Variants in PSMD4 observed in about 807,000 individuals in gnomAD.
PSMD4 encodes proteasome 26S subunit ubiquitin receptor, non-ATPase 4.
Under a neutral mutation model 39.7 loss-of-function variants are expected in PSMD4, and 5 were observed. That is an observed-to-expected ratio of 0.13 (90% CI 0.07 to 0.26). PSMD4 has a LOEUF of 0.26. Ranked by LOEUF, PSMD4 falls within the 10% of genes least tolerant of loss-of-function variation. The pLI is 1.00. For synonymous variants in PSMD4, 143 were observed against 174.6 expected (o/e 0.82, Z 1.43); for missense variants, 272 against 486.1 (o/e 0.56, Z 4.14).
In PSMD4 at chr1:151,265,453, C is replaced by T. The variant is rs766604668; in HGVS notation, c.498C>T (p.Thr166=). ...ACACGTTGAATGGCAAAGATGGAAC[C>T]GGTTCTCATCTGGTGACAGTGCCTC... ...FVNTLNGKDG[T]GSHLVTVPPG... Residue 166 remains threonine, a synonymous_variant, in exon 6 of 10, where the codon ACC becomes ACT. Transcript: ENST00000368884. 8.7e-6 allele frequency: 14 copies of T among 1,614,150 alleles called. No homozygotes were observed. Among genetic ancestry groups the T allele is most frequent in the Admixed American group, 6.7e-5 (4 of 60,022 alleles).
intron 1 of PSMD4, among the ~76,000 whole-genome samples, chr1:151,256,774 C>G (rs899061640): frequency 5.6e-5 from 8 of 144,134 alleles, no homozygotes; most frequent in Admixed American, 1.4e-4. Context: ...CTCTTATTGC[C>G]CAGGCTGGAG....
At position 151,265,374 on chromosome 1, in the gene PSMD4, A is replaced by C. The variant is rs770805724; in HGVS notation, c.439-20A>C. 6.2e-7 allele frequency: 1 copy of C among 1,612,574 alleles called. No homozygotes were observed. Among genetic ancestry groups the C allele is most frequent in the South Asian group, 1.1e-5 (1 of 91,056 alleles). ...GGAGCAAGGCCTGAAGAAGGGCATC[A>C]TGTGTTCTTTCCTCCCCAGGAGGTG... is the stretch of plus-strand genomic sequence containing the variant. On this transcript the variant is annotated intron_variant, in intron 5 of 9. Coordinates refer to ENST00000368884, the MANE Select transcript of PSMD4 (RefSeq NM_002810.4).
intron 3 of PSMD4, among the ~76,000 whole-genome samples, chr1:151,264,431 C>T (rs994132025): frequency 6.6e-6 from 1 of 151,504 alleles, no homozygotes; most frequent in African/African-American, 2.4e-5. Flanking sequence ...CCTGACGTCA[C>T]GAGTTCGAGA....
At position 151,265,441 on chromosome 1, in the gene PSMD4, C is replaced by A; in HGVS notation, c.486C>A (p.Gly162=). 2 of 1,614,226 alleles carry A rather than the reference C, an allele frequency of 1.2e-6. No homozygotes were observed. Among genetic ancestry groups the A allele is most frequent in the Non-Finnish European group, 1.7e-6 (2 of 1,180,042 alleles). ...CAGCCTTTGTAAACACGTTGAATGGCAAAGATGGAACCGGTTCTCATCTGG... is the reference window on the plus strand; with the variant it reads ...CAGCCTTTGTAAACACGTTGAATGGAAAAGATGGAACCGGTTCTCATCTGG... ...KLTAFVNTLN[G]KDGTGSHLVT... Residue 162 remains glycine, a synonymous_variant, in exon 6 of 10, where the codon GGC becomes GGA. Coordinates refer to ENST00000368884, the MANE Select transcript of PSMD4 (RefSeq NM_002810.4).
chr1:151,259,793 C>G (rs1433717524), intron 1 of PSMD4, among the ~76,000 whole-genome samples: 1 of 152,092 alleles, frequency 6.6e-6, no homozygotes, highest in Non-Finnish European at 1.5e-5. Flanking sequence ...GTTGCCCAGG[C>G]TGTTCTCCAA....
At chr1:151,265,281 C>A in intron 5 of PSMD4, 47 bp downstream of exon 5, 1 of 1,598,412 alleles carries the variant, frequency 6.3e-7, no homozygotes, top group Non-Finnish European at 8.6e-7. Flanking sequence ...TGGTCATAAA[C>A]AGAATGGTCC....
At chr1:151,258,624 C>T (rs587685341) in intron 1 of PSMD4, among the ~76,000 whole-genome samples, 1 of 151,720 alleles carries the variant, frequency 6.6e-6, no homozygotes, top group South Asian at 2.1e-4. Context: ...CCATGCCCAG[C>T]TATTTTTTGT....
At chr1:151,259,922 A>T (rs587704686) in intron 1 of PSMD4, among the ~76,000 whole-genome samples, 12 of 151,718 alleles carry the variant, frequency 7.9e-5, no homozygotes, top group Non-Finnish European at 1.6e-4. Flanking sequence ...ATGAGGGCCA[A>T]GTGTGGTGGC....
intron 2 of PSMD4, among the ~76,000 whole-genome samples, chr1:151,263,335 A>C (rs1424609320): frequency 6.6e-6 from 1 of 151,822 alleles, no homozygotes; most frequent in Non-Finnish European, 1.5e-5. Context: ...GTGGTGGTGT[A>C]GATCTGTAAT....
chr1:151,267,112 A>C, intron 9 of PSMD4, 61 bp from the exon 10 acceptor site: 1 of 1,597,590 alleles, frequency 6.3e-7, no homozygotes, highest in Non-Finnish European at 8.6e-7. Context: ...TCCTGTCCTT[A>C]ACACCTGCTT....
At chr1:151,266,826 C>G in intron 9 of PSMD4, 2 of 729,468 alleles carry the variant, frequency 2.7e-6, no homozygotes, top group South Asian at 1.5e-5. Flanking sequence ...CTGGGCAGTT[C>G]TCTAGGATGT....
intron 1 of PSMD4, among the ~76,000 whole-genome samples, chr1:151,255,135 T>G (rs1693133484): frequency 6.6e-6 from 1 of 152,248 alleles, no homozygotes; most frequent in South Asian, 2.1e-4. Flanking sequence ...AATAGTTTTC[T>G]GCCCTCCTTT....
At chr1:151,259,406 A>G (rs905795104) in intron 1 of PSMD4, among the ~76,000 whole-genome samples, 1 of 152,198 alleles carries the variant, frequency 6.6e-6, no homozygotes, top group African/African-American at 2.4e-5. Flanking sequence ...AAACTTTCTG[A>G]TTTGGGGCAT....
intron 1 of PSMD4, among the ~76,000 whole-genome samples, chr1:151,255,792 T>G (rs145197089): frequency 0.022 from 3,364 of 152,226 alleles, 60 homozygotes; most frequent in Non-Finnish European, 0.034. Flanking sequence ...TGGCCCAGTC[T>G]GGCTCACTGC....
intron 1 of PSMD4, among the ~76,000 whole-genome samples, chr1:151,256,551 G>A (rs991880745): frequency 1.3e-5 from 2 of 148,770 alleles, no homozygotes; most frequent in African/African-American, 4.9e-5. Flanking sequence ...TGATTCTCCT[G>A]CCTCAGCCTC....
At chr1:151,256,898 C>T (rs948590090) in intron 1 of PSMD4, among the ~76,000 whole-genome samples, 3 of 151,732 alleles carry the variant, frequency 2.0e-5, no homozygotes, top group Non-Finnish European at 4.4e-5. Context: ...TACAGGCATG[C>T]GCCACCACGC....
Position 151,267,425 on chromosome 1 carries a change from T to A in PSMD4, c.*82T>A. ...TATAGGGTTAGATGTGTGTTATCTG[T>A]AACCATTACAGCCTAAATAAAGCTT... On this transcript the variant is annotated 3_prime_UTR_variant, in exon 10 of 10. Coordinates refer to ENST00000368884, the MANE Select transcript of PSMD4 (RefSeq NM_002810.4). 1 of 1,476,202 alleles carries A rather than the reference T, an allele frequency of 6.8e-7. No homozygotes were observed. Among genetic ancestry groups the A allele is most frequent in the Non-Finnish European group, 9.2e-7 (1 of 1,085,188 alleles). The allele number at this position is 1,476,202 out of a possible 1,614,324, so 91.4% of individuals were successfully genotyped here.
intron 4 of PSMD4, 110 bp downstream of exon 4, chr1:151,265,028 G>T: frequency 1.5e-6 from 2 of 1,323,124 alleles, no homozygotes; most frequent in East Asian, 4.9e-5. Context: ...TTTGGGGAAA[G>T]GTGAATGTGG....
Position 151,256,804 on chromosome 1 carries a change from C to A in PSMD4, c.26+1996C>A, listed in dbSNP as rs11204790. ...CTGGAGTGCAATGACACAATCTCAG[C>A]TCCCCGCAACCTTCGGCTCACCGCA... is the stretch of plus-strand genomic sequence containing the variant. On this transcript the variant is annotated intron_variant, in intron 1 of 9. Coordinates refer to ENST00000368884, the MANE Select transcript of PSMD4 (RefSeq NM_002810.4). 7.3e-3 allele frequency among the ~76,000 whole-genome samples: 1,083 copies of A among 148,266 alleles called. 14 individuals are homozygous for A. Among genetic ancestry groups the A allele is most frequent in the African/African-American group, 0.025 (1,013 of 40,098 alleles).
Sources: gnomAD v4.1 joint callset for allele counts (sites outside exome capture counted in the v4.1 genomes callset) on GRCh38, gnomAD v4.1.1 for gene constraint, MANE v1.5 for transcripts, NCBI Gene and HGNC (gene_info 2026-07-23, HGNC 2026-07-21) for gene names.